MAD2L1: variants seen among roughly 807,000 people sequenced by gnomAD.
The protein encoded by MAD2L1 is mitotic spindle assembly checkpoint protein MAD2A.
A neutral mutation model predicts 25.9 loss-of-function variants in MAD2L1; 10 were observed. That is an observed-to-expected ratio of 0.39 (90% CI 0.24 to 0.66). The LOEUF (loss-of-function observed/expected upper bound fraction) is 0.66. MAD2L1 is among the 30% of genes least tolerant of loss of function. The pLI is 0.49. For synonymous variants in MAD2L1, 81 were observed against 91.8 expected, an observed-to-expected ratio of 0.88 and a Z score of 0.67; for missense variants, 180 against 246.4, an observed-to-expected ratio of 0.73 and a Z score of 1.80.
In MAD2L1 at chr4:120,058,755, A is replaced by G. The variant is rs996647865; in HGVS notation, c.*1363T>C. ...GTAACACCAGTGGTCCACTTATTCC[A>G]TAAAGATATGAAGAGTCTACAAATT... On this transcript the variant is annotated 3_prime_UTR_variant, in exon 5 of 5. Transcript: ENST00000296509. 6.6e-6 allele frequency: 1 copy of G among 152,234 alleles called. No homozygotes were observed. The highest frequency in any genetic ancestry group is 6.5e-5 in the Admixed American group (1 of 15,284). The allele number at this position is 152,234 out of a possible 1,614,324, so 9.4% of individuals were successfully genotyped here.
chr4:120,062,135 T>C (rs369535268), intron 2 of MAD2L1, 40 bp from the exon 3 acceptor site: 69 of 1,585,914 alleles, frequency 4.4e-5, no homozygotes, highest in South Asian at 5.8e-5. Flanking sequence ...CTTGGTCCAC[T>C]GCATCATAAA....
intron 1 of MAD2L1, 118 bp downstream of exon 1, chr4:120,066,544 A>G: frequency 1.2e-6 from 1 of 859,910 alleles, no homozygotes; most frequent in Non-Finnish European, 1.8e-6. Context: ...CGTCTGGAGG[A>G]AGCGCCTGCA....
intron 2 of MAD2L1, among the ~76,000 whole-genome samples, chr4:120,064,555 G>C (rs1488668969): frequency 6.6e-6 from 1 of 152,092 alleles, no homozygotes; most frequent in Non-Finnish European, 1.5e-5. Flanking sequence ...ATAACACACA[G>C]AAAAGCACCC....
chr4:120,063,293 G>T (rs1726256531), intron 2 of MAD2L1, among the ~76,000 whole-genome samples: 1 of 152,172 alleles, frequency 6.6e-6, no homozygotes, highest in African/African-American at 2.4e-5. Context: ...CAGAACGGGG[G>T]CTCAGATTGA....
At chr4:120,060,750 T>G (rs972216979) in intron 4 of MAD2L1, 124 bp downstream of exon 4, 1 of 615,024 alleles carries the variant, frequency 1.6e-6, no homozygotes, top group Non-Finnish European at 2.8e-6. Flanking sequence ...GATAATGTTT[T>G]TCCTTCAATT....
In MAD2L1 at chr4:120,056,754, G is replaced by C. The variant is rs1726117352; in HGVS notation, c.*3364C>G. ...TAAAAAGGGTCTCTTTTTTAAAGGA[G>C]AGCCCATACCTCTCTTTTTATGGCA... On this transcript the variant is annotated 3_prime_UTR_variant, in exon 5 of 5. Coordinates refer to ENST00000296509, the MANE Select transcript of MAD2L1 (RefSeq NM_002358.4). The C allele has an allele frequency of 6.6e-6, 1 of 152,092 alleles. No homozygotes were observed. The highest frequency in any genetic ancestry group is 1.5e-5 in the Non-Finnish European group (1 of 68,014). 9.4% of individuals were successfully genotyped at this position (152,092 alleles called of 1,614,324 possible).
intron 4 of MAD2L1, 90 bp from the exon 5 acceptor site, chr4:120,060,380 C>A: frequency 2.9e-6 from 3 of 1,021,630 alleles, no homozygotes; most frequent in South Asian, 4.5e-5. Context: ...CCACTCACTG[C>A]TGGAAAAGGT....
At position 120,062,104 on chromosome 4, in the gene MAD2L1, T is replaced by C. The variant is rs2908989; in HGVS notation, c.221-9A>G. 0.73 allele frequency: 1,176,289 copies of C among 1,601,470 alleles called. 434,120 individuals carry two copies. Among genetic ancestry groups the C allele is most frequent in the East Asian group, 0.88 (39,017 of 44,542 alleles). Reference sequence around the variant, plus strand: ...ACACTTGTATAACCAATCTGCAACATATAAAAAGGAAGGCATCTTTCTTGG... The same window carrying C: ...ACACTTGTATAACCAATCTGCAACACATAAAAAGGAAGGCATCTTTCTTGG... On this transcript the variant is annotated splice_polypyrimidine_tract_variant and intron_variant, in intron 2 of 4. Coordinates refer to ENST00000296509, the MANE Select transcript of MAD2L1 (RefSeq NM_002358.4).
In MAD2L1 at chr4:120,066,731, C is replaced by A. The variant is rs943699870; in HGVS notation, c.4G>T (p.Ala2Ser). The A allele has an allele frequency of 6.3e-7, 1 of 1,598,848 alleles. No individual in the cohort carries two copies. Among genetic ancestry groups the A allele is most frequent in the South Asian group, 1.1e-5 (1 of 89,518 alleles). ...CCCTGCTCCCGGGAGAGCTGCAGCGCCATGGCCAGGGACACAAACAAAAGC... is the reference window on the plus strand; with the variant it reads ...CCCTGCTCCCGGGAGAGCTGCAGCGACATGGCCAGGGACACAAACAAAAGC... MALQLSREQGIT... is the reference protein window; with the variant it reads MSLQLSREQGIT... The change falls in exon 1 of 5, where the codon GCG (alanine) becomes TCG (serine). Residue 2 changes from alanine to serine, a missense_variant. Coordinates refer to ENST00000296509, the MANE Select transcript of MAD2L1 (RefSeq NM_002358.4).
At chr4:120,061,870 A>G (rs888362189) in intron 3 of MAD2L1, 105 bp downstream of exon 3, 15 of 866,372 alleles carry the variant, frequency 1.7e-5, no homozygotes, top group South Asian at 1.7e-4. Flanking sequence ...GAAACAAACT[A>G]TATTTTATAT....
At position 120,060,041 on chromosome 4, in the gene MAD2L1, A is replaced by T; in HGVS notation, c.*77T>A. On this transcript the variant is annotated 3_prime_UTR_variant, in exon 5 of 5. Coordinates refer to ENST00000296509, the MANE Select transcript of MAD2L1 (RefSeq NM_002358.4). ...TAAAAATTAACCAATGAAATAAAAC[A>T]TATCAACTATAGATGACTTGATTTC... is the stretch of plus-strand genomic sequence containing the variant. The T allele has an allele frequency of 8.0e-7, 1 of 1,248,074 alleles. No individual in the cohort carries two copies. Among genetic ancestry groups the T allele is most frequent in the Non-Finnish European group, 1.1e-6 (1 of 892,290 alleles). The allele number at this position is 1,248,074 out of a possible 1,614,324, so 77.3% of individuals were successfully genotyped here.
intron 1 of MAD2L1, 51 bp downstream of exon 1, chr4:120,066,602 GGCCTACTGA>G: frequency 6.9e-7 from 1 of 1,458,656 alleles, no homozygotes; most frequent in Non-Finnish European, 9.5e-7. Flanking sequence ...CCGAGCTGTG[GGCCTACTGA>G]GCCGTCACGA....
Position 120,056,547 on chromosome 4 carries a change from G to A in MAD2L1, c.*3571C>T, listed in dbSNP as rs569047230. The A allele has an allele frequency of 6.6e-6, 1 of 152,136 alleles. No homozygotes were observed. Among genetic ancestry groups the A allele is most frequent in the East Asian group, 1.9e-4 (1 of 5,200 alleles). 9.4% of individuals were successfully genotyped at this position (152,136 alleles called of 1,614,324 possible). Reference sequence around the variant, plus strand: ...ACATACTAAATGAAAACAAGATGAAGAAATGGTCTATGAAGTTATCTACCT... The same window carrying A: ...ACATACTAAATGAAAACAAGATGAAAAAATGGTCTATGAAGTTATCTACCT... On this transcript the variant is annotated 3_prime_UTR_variant, in exon 5 of 5. Coordinates refer to ENST00000296509, the MANE Select transcript of MAD2L1 (RefSeq NM_002358.4).
chr4:120,061,853 T>A, intron 3 of MAD2L1, 122 bp downstream of exon 3: 1 of 764,392 alleles, frequency 1.3e-6, no homozygotes. Flanking sequence ...TTAGAAAATA[T>A]AAATTAGAAA....
At chr4:120,061,091 CTTAT>C (rs1204473534) in intron 3 of MAD2L1, 114 bp from the exon 4 acceptor site, 3 of 616,630 alleles carry the variant, frequency 4.9e-6, no homozygotes, top group Non-Finnish European at 8.7e-6. Context: ...ATAAGCAGGG[CTTAT>C]TTGAGAAAGG....
At chr4:120,062,848 CTAGT>C (rs1159081701) in intron 2 of MAD2L1, among the ~76,000 whole-genome samples, 16 of 152,270 alleles carry the variant, frequency 1.1e-4, no homozygotes, top group Admixed American at 5.9e-4. Flanking sequence ...TCTAGAGACA[CTAGT>C]TAGTCAATCA....
intron 3 of MAD2L1, 21 bp from the exon 4 acceptor site, chr4:120,060,998 C>T: frequency 7.1e-7 from 1 of 1,406,766 alleles, no homozygotes; most frequent in Non-Finnish European, 1.0e-6. Flanking sequence ...AAAATCAAAT[C>T]AATTAATTCA....
intron 2 of MAD2L1, among the ~76,000 whole-genome samples, chr4:120,063,673 C>T (rs576738769): frequency 1.3e-5 from 2 of 152,206 alleles, no homozygotes; most frequent in East Asian, 3.9e-4. Flanking sequence ...AGGATAAAGA[C>T]CCTGAAAAAG....
In MAD2L1 at chr4:120,060,226, C is replaced by A; in HGVS notation, c.510G>T (p.Ser170=). ...CAGAATTGGTAATAAACTGTGGTCCCGACTCTTCCCATTTTTCAGGTACAA... is the reference window on the plus strand; with the variant it reads ...CAGAATTGGTAATAAACTGTGGTCCAGACTCTTCCCATTTTTCAGGTACAA... ...DLVVPEKWEE[S]GPQFITNSEE... is the part of the protein sequence containing the mutation. The change falls in exon 5 of 5, where the codon TCG becomes TCT. Residue 170 remains serine, a synonymous_variant. Transcript: ENST00000296509. 1 of 1,612,814 alleles carries A rather than the reference C, an allele frequency of 6.2e-7. No individual in the cohort carries two copies. The highest frequency in any genetic ancestry group is 8.5e-7 in the Non-Finnish European group (1 of 1,179,288).
Sources: gnomAD v4.1 joint callset for allele counts (sites outside exome capture counted in the v4.1 genomes callset) on GRCh38, gnomAD v4.1.1 for gene constraint, MANE v1.5 for transcripts, NCBI Gene and HGNC (gene_info 2026-07-23, HGNC 2026-07-21) for gene names.